GLG1: variants seen among roughly 807,000 people sequenced by gnomAD.
The protein encoded by GLG1 is Golgi apparatus protein 1.
In GLG1, 38 loss-of-function variants were observed where a neutral mutation model predicts 160.5. That is an observed-to-expected ratio of 0.24 (90% confidence interval 0.18 to 0.31). The LOEUF is 0.31. GLG1 is among the 10% of genes least tolerant of loss of function. GLG1 has a pLI of 1.00. For missense variants in GLG1, 1,373 were observed against 1,505.2 expected, an observed-to-expected ratio of 0.91 and a Z score of 1.45; for synonymous variants, 644 against 543.4, an observed-to-expected ratio of 1.19 and a Z score of -2.57.
intron 2 of GLG1, among the ~76,000 whole-genome samples, chr16:74,514,720 A>G (rs1441583759): frequency 1.3e-5 from 2 of 152,240 alleles, no homozygotes; most frequent in African/African-American, 4.8e-5. Flanking sequence ...CACTATGAAG[A>G]GACTGCATCA....
At chr16:74,595,949 C>T (rs1958291026) in intron 1 of GLG1, among the ~76,000 whole-genome samples, 1 of 151,800 alleles carries the variant, frequency 6.6e-6, no homozygotes, top group Non-Finnish European at 1.5e-5. Context: ...CATGGCGAAA[C>T]CCCATCTCTA....
chr16:74,530,192 C>T (rs895115412), intron 2 of GLG1, among the ~76,000 whole-genome samples: 1 of 152,024 alleles, frequency 6.6e-6, no homozygotes, highest in African/African-American at 2.4e-5. Context: ...TTGAGGTTTT[C>T]CCCTAATCCT....
chr16:74,583,528 C>A (rs145823493), intron 1 of GLG1, among the ~76,000 whole-genome samples: 1 of 152,136 alleles, frequency 6.6e-6, no homozygotes, highest in South Asian at 2.1e-4. Context: ...TACAGGCGCA[C>A]GCCACCACAC....
chr16:74,583,365 T>A (rs1231975741), intron 1 of GLG1, among the ~76,000 whole-genome samples: 1 of 152,202 alleles, frequency 6.6e-6, no homozygotes, highest in Non-Finnish European at 1.5e-5. Flanking sequence ...GGAGGTAGTG[T>A]AACAGTTAAA....
intron 1 of GLG1, among the ~76,000 whole-genome samples, chr16:74,593,276 C>A (rs902572463): frequency 2.6e-5 from 4 of 152,128 alleles, no homozygotes; most frequent in Non-Finnish European, 5.9e-5. Flanking sequence ...CTCCATTACA[C>A]CCCTTTCTGC....
At chr16:74,576,760 C>T (rs1009885422) in intron 1 of GLG1, among the ~76,000 whole-genome samples, 2 of 151,988 alleles carry the variant, frequency 1.3e-5, no homozygotes, top group African/African-American at 4.8e-5. Flanking sequence ...AATAATGAAG[C>T]CTGCTGAAGA....
rs756083275 is a variant in GLG1, at chr16:74,456,719, C to T, written c.3302G>A (p.Arg1101Gln). The change falls in exon 25 of 26, where the codon CGG becomes CAG. Residue 1101 changes from arginine (R) to glutamine (Q), a missense_variant. Physicochemically the swap from Arg to Gln is conservative, Grantham distance 43 (BLOSUM62 1). Transcript: ENST00000422840. Reference sequence around the variant, plus strand: ...TTTGCACTCGGGCTGTAACCTCACCCGCTTATCCTCCAGTGCTTCCATGAG... The same window carrying T: ...TTTGCACTCGGGCTGTAACCTCACCTGCTTATCCTCCAGTGCTTCCATGAG... ...SCLMEALEDK[R>Q]VRLQPECKKR... 1.9e-6 allele frequency: 3 copies of T among 1,611,674 alleles called. No homozygotes were observed. The highest frequency in any genetic ancestry group is 1.7e-5 in the Admixed American group (1 of 59,692).
intron 1 of GLG1, among the ~76,000 whole-genome samples, chr16:74,567,281 CAG>C (rs2018683272): frequency 6.6e-6 from 1 of 151,898 alleles, no homozygotes; most frequent in South Asian, 2.1e-4. Context: ...GTAGGAGGAA[CAG>C]AGTTAAGTTC....
chr16:74,518,008 T>A (rs1360803717), intron 2 of GLG1, among the ~76,000 whole-genome samples: 1 of 152,140 alleles, frequency 6.6e-6, no homozygotes, highest in Non-Finnish European at 1.5e-5. Context: ...GTGAAGGACC[T>A]CTTCAAGGAG....
At chr16:74,472,293 G>C (rs1963578940) in intron 14 of GLG1, 56 bp downstream of exon 14, 1 of 1,125,276 alleles carries the variant, frequency 8.9e-7, no homozygotes, top group East Asian at 2.3e-5. Flanking sequence ...ACTCAGGGGA[G>C]AGTCCCTGTC....
At chr16:74,555,567 G>A (rs2018328889) in intron 1 of GLG1, among the ~76,000 whole-genome samples, 1 of 151,954 alleles carries the variant, frequency 6.6e-6, no homozygotes, top group Non-Finnish European at 1.5e-5. Context: ...GTGTGTGCCT[G>A]TAGTCCTAGC....
chr16:74,562,890 C>T (rs1244431901), intron 1 of GLG1, among the ~76,000 whole-genome samples: 1 of 152,168 alleles, frequency 6.6e-6, no homozygotes, highest in Non-Finnish European at 1.5e-5. Flanking sequence ...TTGTTACCCA[C>T]AATGAAGCAA....
chr16:74,600,103 G>A (rs1958405357), intron 1 of GLG1, among the ~76,000 whole-genome samples: 1 of 152,142 alleles, frequency 6.6e-6, no homozygotes, highest in Non-Finnish European at 1.5e-5. Flanking sequence ...TCTGAAGCAT[G>A]TGCTATTGGT....
chr16:74,547,020 T>C (rs1306590474), intron 1 of GLG1, among the ~76,000 whole-genome samples: 5 of 152,024 alleles, frequency 3.3e-5, no homozygotes, highest in East Asian at 3.9e-4. Flanking sequence ...GCTAGAACTG[T>C]CCCCGCTTCC....
At chr16:74,474,312 T>A (rs1420302153) in intron 13 of GLG1, 4 of 444,146 alleles carry the variant, frequency 9.0e-6, no homozygotes, top group Non-Finnish European at 1.6e-5. Context: ...TAAACCTAAT[T>A]TATGAAGAAA....
intron 1 of GLG1, among the ~76,000 whole-genome samples, chr16:74,568,532 C>T (rs2018726092): frequency 6.6e-6 from 1 of 151,912 alleles, no homozygotes; most frequent in Non-Finnish European, 1.5e-5. Flanking sequence ...ATTCTCCTGC[C>T]TCAGCCTCCT....
chr16:74,583,474 G>A lies in GLG1; in HGVS notation c.438+23183C>T, dbSNP rs570042978. On this transcript the variant is annotated intron_variant, in intron 1 of 25. Transcript: ENST00000422840. The stretch of plus-strand genomic sequence containing the variant: ...TGGCTCACTGCAACCTCCATCTCCC[G>A]GGTTCAAGCAATTCTCATGCCTCAA... Among the ~76,000 whole-genome samples, 5 of 152,224 alleles carry A rather than the reference G, an allele frequency of 3.3e-5. 1 individual carries two copies. The highest frequency in any genetic ancestry group is 9.6e-5 in the African/African-American group (4 of 41,538).
At chr16:74,584,838 T>C (rs1327060167) in intron 1 of GLG1, among the ~76,000 whole-genome samples, 3 of 151,586 alleles carry the variant, frequency 2.0e-5, no homozygotes, top group Middle Eastern at 3.4e-3. Context: ...ATCTATTGAA[T>C]CTGGGAGGCA....
chr16:74,542,507 A>C (rs2017900931), intron 1 of GLG1, among the ~76,000 whole-genome samples: 1 of 151,748 alleles, frequency 6.6e-6, no homozygotes, highest in Non-Finnish European at 1.5e-5. Flanking sequence ...CATCTCTATT[A>C]AAAATACAAA....
Sources: gnomAD v4.1 joint callset for allele counts (sites outside exome capture counted in the v4.1 genomes callset) on GRCh38, gnomAD v4.1.1 for gene constraint, MANE v1.5 for transcripts, NCBI Gene and HGNC (gene_info 2026-07-23, HGNC 2026-07-21) for gene names.